Variants in HK1 observed in about 807,000 individuals in gnomAD.
HK1 encodes the protein hexokinase-1.
HK1 carries 28 observed loss-of-function variants against 91.6 expected under a neutral mutation model. That is an observed-to-expected ratio of 0.31 (90% CI 0.23 to 0.42). The LOEUF is 0.42. Ranked by LOEUF, HK1 falls within the 10% of genes least tolerant of loss-of-function variation. HK1 has a pLI of 1.00. For missense variants in HK1, 770 were observed against 1,219.8 expected (o/e 0.63, Z 5.49); for synonymous variants, 430 against 468.1 (o/e 0.92, Z 1.05).
intron 1 of HK1, among the ~76,000 whole-genome samples, chr10:69,325,044 ATTTTTTT>A (rs1046990181): frequency 6.4e-5 from 6 of 93,884 alleles, no homozygotes; most frequent in African/African-American, 1.3e-4. Context: ...AAAAATGTGT[ATTTTTTT>A]TTTTTTTTTT....
At chr10:69,281,717 G>C (rs910424102) in intron 1 of HK1, among the ~76,000 whole-genome samples, 1 of 152,176 alleles carries the variant, frequency 6.6e-6, no homozygotes, top group Non-Finnish European at 1.5e-5. Flanking sequence ...AAAAAGGAAG[G>C]GTTTGGGTGG....
chr10:69,297,837 A>C (rs1845643300), intron 4 of HK1, among the ~76,000 whole-genome samples: 2 of 150,718 alleles, frequency 1.3e-5, no homozygotes. Context: ...CGGAGGTTGC[A>C]GTGAGCTGAG....
At chr10:69,273,751 T>C (rs1324896500) in intron 1 of HK1, among the ~76,000 whole-genome samples, 1 of 152,240 alleles carries the variant, frequency 6.6e-6, no homozygotes, top group African/African-American at 2.4e-5. Context: ...AATTCTTAAT[T>C]TAAAACATTA....
intron 1 of HK1, among the ~76,000 whole-genome samples, chr10:69,324,263 C>T (rs1413285417): frequency 6.6e-6 from 1 of 152,142 alleles, no homozygotes; most frequent in African/African-American, 2.4e-5. Context: ...CAACTATAAA[C>T]AAGGCAGAAA....
chr10:69,387,947 A>G (rs1286956983), intron 13 of HK1, among the ~76,000 whole-genome samples: 2 of 152,176 alleles, frequency 1.3e-5, no homozygotes, highest in African/African-American at 2.4e-5. Flanking sequence ...AAACAAAACA[A>G]AACAGAACAC....
At chr10:69,283,187 A>G (rs12242466) in intron 2 of HK1, among the ~76,000 whole-genome samples, 66,524 of 146,148 alleles carry the variant, frequency 0.46, 15,560 homozygotes, top group Middle Eastern at 0.54. Context: ...TGGCTCACAC[A>G]TGTAATCCCA....
At chr10:69,344,086 T>C (rs1848430117) in intron 2 of HK1, 97 bp downstream of exon 2, 1 of 1,260,284 alleles carries the variant, frequency 7.9e-7, no homozygotes. Flanking sequence ...CATTCATTCA[T>C]TCACCATTCC....
chr10:69,311,127 G>A (rs1846357231), upstream of HK1, among the ~76,000 whole-genome samples: 1 of 152,108 alleles, frequency 6.6e-6, no homozygotes, highest in Non-Finnish European at 1.5e-5. Flanking sequence ...CAGATAGCAG[G>A]CTTCAGAGAA....
intron 3 of HK1, among the ~76,000 whole-genome samples, chr10:69,290,224 C>T (rs775068646): frequency 6.6e-6 from 1 of 152,086 alleles, no homozygotes; most frequent in South Asian, 2.1e-4. Flanking sequence ...ACTGCAGTGG[C>T]CTGGCCTGTT....
At chr10:69,379,353 G>A (rs1475846453) in intron 8 of HK1, among the ~76,000 whole-genome samples, 1 of 152,122 alleles carries the variant, frequency 6.6e-6, no homozygotes, top group Non-Finnish European at 1.5e-5. Flanking sequence ...ATGCCTGTAT[G>A]TATACATATA....
At chr10:69,286,590 C>G (rs889787484) in intron 2 of HK1, among the ~76,000 whole-genome samples, 9 of 150,464 alleles carry the variant, frequency 6.0e-5, no homozygotes, top group African/African-American at 2.2e-4. Context: ...CTCTCGTTGT[C>G]CTGGCTGGAG....
intron 2 of HK1, among the ~76,000 whole-genome samples, chr10:69,357,713 A>G (rs1849202224): frequency 6.6e-6 from 1 of 152,126 alleles, no homozygotes; most frequent in Non-Finnish European, 1.5e-5. Flanking sequence ...TCAGCCTCCC[A>G]AAGTGCTGGG....
chr10:69,386,326 A>G lies in HK1; in HGVS notation c.1843A>G (p.Ile615Val), dbSNP rs773943826. The G allele has an allele frequency of 8.1e-6, 13 of 1,613,506 alleles. No homozygotes were observed. The highest frequency in any genetic ancestry group is 1.1e-5 in the Non-Finnish European group (13 of 1,179,446). Residue 615 changes from isoleucine to valine, a missense_variant, in exon 13 of 18, where the codon ATC becomes GTC. By Grantham distance (29) the Ile-to-Val change is conservative. Around this residue, in one of 7 missense-constraint regions of HK1, gnomAD observed 152 missense variants for 211.1 expected, o/e 0.72. Coordinates refer to ENST00000359426, the MANE Select transcript of HK1 (RefSeq NM_000188.3). ...CCTGGTGCTTTTTATGTTGTAGGGA[A>G]TCTTGATCACGTGGACAAAGGGTTT... ...PCQQTSLDAG[I>V]LITWTKGFKA...
At chr10:69,281,218 A>G (rs866420062) in intron 1 of HK1, among the ~76,000 whole-genome samples, 1 of 152,146 alleles carries the variant, frequency 6.6e-6, no homozygotes, top group Non-Finnish European at 1.5e-5. Context: ...TTCCACCCCA[A>G]TGTTTTCCAT....
At chr10:69,333,963 T>C (rs1847855839) in intron 1 of HK1, among the ~76,000 whole-genome samples, 1 of 151,986 alleles carries the variant, frequency 6.6e-6, no homozygotes, top group Admixed American at 6.6e-5. Flanking sequence ...ATACAAAAAT[T>C]AGCTGGACAT....
chr10:69,293,304 C>T (rs1313287810), intron 3 of HK1, among the ~76,000 whole-genome samples: 3 of 152,180 alleles, frequency 2.0e-5, no homozygotes, highest in African/African-American at 4.8e-5. Flanking sequence ...GCCTGAGGTT[C>T]CCAGCCTCAG....
intron 1 of HK1, among the ~76,000 whole-genome samples, chr10:69,334,364 T>A (rs1211408673): frequency 6.6e-6 from 1 of 152,120 alleles, no homozygotes; most frequent in South Asian, 2.1e-4. Flanking sequence ...ACACAGTTCC[T>A]CTGGTAGCTT....
intron 16 of HK1, among the ~76,000 whole-genome samples, chr10:69,395,884 C>T (rs536196394): frequency 9.9e-5 from 15 of 152,202 alleles, no homozygotes; most frequent in East Asian, 1.9e-4. Flanking sequence ...TTCTAAGGCA[C>T]GCTGTGTGAG....
At chr10:69,317,461 C>T (rs1299429066), upstream of HK1, among the ~76,000 whole-genome samples, 2 of 152,182 alleles carry the variant, frequency 1.3e-5, no homozygotes, top group African/African-American at 2.4e-5. Context: ...GGCCCCTGAA[C>T]CTACGTCATC....
Sources: gnomAD v4.1 joint callset for allele counts (sites outside exome capture counted in the v4.1 genomes callset) on GRCh38, gnomAD v4.1.1 for gene constraint, gnomAD v4.1.1 regional missense constraint, MANE v1.5 for transcripts, NCBI Gene and HGNC (gene_info 2026-07-23, HGNC 2026-07-21) for gene names.